The following LYPLAL1 variants were observed in gnomAD, a reference collection of about 807,000 sequenced individuals.
The protein encoded by LYPLAL1 is lysophospholipase like 1.
LYPLAL1 carries 23 observed loss-of-function variants against 19.7 expected under a neutral mutation model. The ratio of observed to expected loss-of-function variants is 1.17; its 90% CI spans 0.84 to 1.65. The LOEUF (loss-of-function observed/expected upper bound fraction) is 1.65, where lower values mean the gene tolerates loss of function less well. Among genes scored for constraint, LYPLAL1 ranks in the 40% most tolerant of loss-of-function variants. LYPLAL1 has a pLI of 0.00. For synonymous variants in LYPLAL1, 119 were observed against 96.3 expected (o/e 1.24, Z -1.38); for missense variants, 355 against 279.4 (o/e 1.27, Z -1.93).
the LYPLAL1 span, among the ~76,000 whole-genome samples, chr1:219,320,803 G>GTA: frequency 6.6e-6 from 1 of 152,180 alleles, no homozygotes; most frequent in African/African-American, 2.4e-5. Context: ...GTATTCCATT[G>GTA]TGTATATGTG....
chr1:219,244,082 A>G, the LYPLAL1 span, among the ~76,000 whole-genome samples: 1 of 152,118 alleles, frequency 6.6e-6, no homozygotes, highest in Non-Finnish European at 1.5e-5. Context: ...AGGGACCATA[A>G]TCAGAAAACT....
chr1:219,350,941 G>A, the LYPLAL1 span, among the ~76,000 whole-genome samples: 1 of 152,030 alleles, frequency 6.6e-6, no homozygotes, highest in Non-Finnish European at 1.5e-5. Flanking sequence ...AGAGGGTGAG[G>A]AGCCCAGTGG....
chr1:219,257,093 T>A, the LYPLAL1 span, among the ~76,000 whole-genome samples: 1 of 152,050 alleles, frequency 6.6e-6, no homozygotes, highest in Non-Finnish European at 1.5e-5. Context: ...AGATGTTCTG[T>A]ATCCTTATGT....
intron 1 of LYPLAL1, among the ~76,000 whole-genome samples, chr1:219,178,247 C>A (rs1443351355): frequency 1.3e-5 from 2 of 152,182 alleles, no homozygotes; most frequent in African/African-American, 4.8e-5. Flanking sequence ...CCAAGTGTCT[C>A]ATTTTTGAAG....
the LYPLAL1 span, among the ~76,000 whole-genome samples, chr1:219,304,322 A>G: frequency 1.3e-5 from 2 of 152,246 alleles, no homozygotes; most frequent in Admixed American, 1.3e-4. Context: ...ATTATCCAAG[A>G]TGCTCAGTTT....
the LYPLAL1 span, among the ~76,000 whole-genome samples, chr1:219,344,544 T>A: frequency 6.6e-6 from 1 of 152,312 alleles, no homozygotes; most frequent in East Asian, 1.9e-4. Context: ...ATAAGTGACT[T>A]CCTGTTTTAT....
At chr1:219,326,521 T>G in the LYPLAL1 span, among the ~76,000 whole-genome samples, 2 of 152,184 alleles carry the variant, frequency 1.3e-5, no homozygotes, top group African/African-American at 4.8e-5. Context: ...ATATAGGACA[T>G]GATCCCCAAT....
the LYPLAL1 span, among the ~76,000 whole-genome samples, chr1:219,421,779 C>T: frequency 2.0e-5 from 3 of 149,402 alleles, no homozygotes; most frequent in Admixed American, 6.7e-5. Context: ...GCTAGTTTCT[C>T]GGAAAAAAAG....
chr1:219,305,791 G>T, the LYPLAL1 span, among the ~76,000 whole-genome samples: 3 of 152,162 alleles, frequency 2.0e-5, no homozygotes, highest in Non-Finnish European at 4.4e-5. Context: ...ATCTAAAATT[G>T]GAGGGGAAAT....
the LYPLAL1 span, among the ~76,000 whole-genome samples, chr1:219,247,532 A>G: frequency 6.6e-6 from 1 of 152,194 alleles, no homozygotes; most frequent in Non-Finnish European, 1.5e-5. Context: ...GATCCAGCTC[A>G]AGATGTAGTT....
chr1:219,315,002 G>A, the LYPLAL1 span, among the ~76,000 whole-genome samples: 1 of 152,130 alleles, frequency 6.6e-6, no homozygotes, highest in African/African-American at 2.4e-5. Context: ...TGGGATGGAT[G>A]TTTGTGTGTG....
chr1:219,316,364 A>G, the LYPLAL1 span, among the ~76,000 whole-genome samples: 2 of 152,066 alleles, frequency 1.3e-5, no homozygotes, highest in Non-Finnish European at 1.5e-5. Flanking sequence ...TTTGTTAAAG[A>G]TTTTCATATC....
rs1553299858 is a variant in LYPLAL1 at position 219,193,059 on chromosome 1, G to GGT, written c.192-22_192-21insTG. 2.7e-5 allele frequency: 36 copies of GGT among 1,328,352 alleles called. No individual in the cohort carries two copies. In the African/African-American group the frequency reaches 8.6e-4, roughly 32 times the overall value. 82.3% of individuals were successfully genotyped at this position (1,328,352 alleles called of 1,614,324 possible). ...ATTCCCTTTTCCTTTCTTTTTTTTTGGGGGGGGGCGGTTGTTAAACAGATC... is the reference window on the plus strand; with the variant it reads ...ATTCCCTTTTCCTTTCTTTTTTTTTGGTGGGGGGGGCGGTTGTTAAACAGATC... On this transcript the variant is annotated intron_variant, in intron 2 of 4. Coordinates refer to ENST00000366928, the MANE Select transcript of LYPLAL1 (RefSeq NM_138794.5).
the LYPLAL1 span, among the ~76,000 whole-genome samples, chr1:219,289,103 G>C: frequency 9.6e-6 from 1 of 104,638 alleles, no homozygotes. Flanking sequence ...TTTGCCTTTG[G>C]AAATTTCTTT....
At chr1:219,390,042 A>G in the LYPLAL1 span, among the ~76,000 whole-genome samples, 3 of 151,306 alleles carry the variant, frequency 2.0e-5, no homozygotes, top group Non-Finnish European at 4.4e-5. Flanking sequence ...GGATTGGACA[A>G]TTTTTACATT....
At chr1:219,414,632 C>G in the LYPLAL1 span, among the ~76,000 whole-genome samples, 1 of 152,162 alleles carries the variant, frequency 6.6e-6, no homozygotes, top group Non-Finnish European at 1.5e-5. Flanking sequence ...GACTCCTCCT[C>G]GCTTTTATTT....
chr1:219,400,968 A>G, the LYPLAL1 span, among the ~76,000 whole-genome samples: 2 of 152,226 alleles, frequency 1.3e-5, no homozygotes, highest in African/African-American at 4.8e-5. Flanking sequence ...AATATTCTCA[A>G]TTACCTTGTA....
At chr1:219,384,996 G>A in the LYPLAL1 span, among the ~76,000 whole-genome samples, 10 of 152,224 alleles carry the variant, frequency 6.6e-5, no homozygotes, top group South Asian at 4.2e-4. Flanking sequence ...ATCTTGGATC[G>A]TCCAGACTAT....
chr1:219,316,103 T>C, the LYPLAL1 span, among the ~76,000 whole-genome samples: 1 of 152,186 alleles, frequency 6.6e-6, no homozygotes, highest in African/African-American at 2.4e-5. Context: ...ACTATTTAGC[T>C]CAGTTGATGA....
Sources: allele counts gnomAD v4.1 joint callset (sites outside exome capture counted in the v4.1 genomes callset), GRCh38; gene constraint gnomAD v4.1.1; transcripts MANE v1.5; gene names NCBI Gene and HGNC (gene_info 2026-07-23, HGNC 2026-07-21).